The following TMEM94 variants were observed in gnomAD, a reference collection of about 807,000 sequenced individuals.
TMEM94 encodes ER Mg2+ ATPase.
In TMEM94, 81 loss-of-function variants were observed where a neutral mutation model predicts 158.6. That is an observed-to-expected ratio of 0.51 (90% CI 0.43 to 0.61). The LOEUF is 0.61. Ranked by LOEUF, TMEM94 falls within the 20% of genes least tolerant of loss-of-function variation. TMEM94 has a pLI of 0.00. For missense variants in TMEM94, 1,435 were observed against 1,762.0 expected (o/e 0.81, Z 3.32); for synonymous variants, 751 against 730.7 (o/e 1.03, Z -0.45).
chr17:75,490,374 G>A, intron 10 of TMEM94, 24 bp downstream of exon 10: 1 of 1,607,204 alleles, frequency 6.2e-7, no homozygotes, highest in Non-Finnish European at 8.5e-7. Flanking sequence ...AGGTGTCTGG[G>A]GGAAGTCACA....
At position 75,495,714 on chromosome 17, in the gene TMEM94, C is replaced by G; in HGVS notation, c.2944+71C>G. On this transcript the variant is annotated intron_variant, in intron 22 of 31. Transcript: ENST00000314256. This position sits in a 1 kb window ranked among gnomAD's most constrained non-coding sequence, Gnocchi z 5.6. Reference sequence around the variant, plus strand: ...CTGAGCTCTGCCTGGGCCTGCGTACCCCGTGGGCTCTGGAGGGATGTAGGT... The same window carrying G: ...CTGAGCTCTGCCTGGGCCTGCGTACGCCGTGGGCTCTGGAGGGATGTAGGT... The G allele has an allele frequency of 1.4e-6, 2 of 1,431,464 alleles. No individual in the cohort carries two copies. The highest frequency in any genetic ancestry group is 2.0e-6 in the Non-Finnish European group (2 of 1,021,068). The allele number at this position is 1,431,464 out of a possible 1,614,324, so 88.7% of individuals were successfully genotyped here. A position where few individuals can be genotyped will look rare whatever the true frequency, so the allele number is the denominator to read the frequency against.
At position 75,488,841 on chromosome 17, in the gene TMEM94, G is replaced by A. The variant is rs775524355; in HGVS notation, c.695G>A (p.Arg232Lys). 3.1e-6 allele frequency: 5 copies of A among 1,612,480 alleles called. No homozygotes were observed. Among genetic ancestry groups the A allele is most frequent in the Non-Finnish European group, 4.2e-6 (5 of 1,179,024 alleles). The change falls in exon 7 of 32, where the codon AGA becomes AAA. Residue 232 changes from arginine (R) to lysine (K), a missense_variant. This residue lies in a region of TMEM94 where 1,051 missense variants were observed against 1,254.4 expected (regional missense o/e 0.84). Transcript: ENST00000314256. The stretch of plus-strand genomic sequence containing the variant: ...CCCTCACCCCGGGGAGAAGTGGAGA[G>A]AGGGCCACAGAGCCCCCAGCAGCAC... ...PPPSPRGEVE[R>K]GPQSPQQHRL...
At position 75,493,856 on chromosome 17, in the gene TMEM94, G is replaced by A. The variant is rs201235041; in HGVS notation, c.2347G>A (p.Glu783Lys). The stretch of plus-strand genomic sequence containing the variant: ...CCAAAGCAGCATCTTCACCATGTGC[G>A]AGCTGCCCAGCACCATCCCCATCAA... ...PGQSSIFTMC[E>K]LPSTIPIKQN... The change falls in exon 18 of 32, where the codon GAG (glutamate) becomes AAG (lysine). Residue 783 changes from glutamate to lysine, a missense_variant. Physicochemically the swap from Glu to Lys is moderately conservative, Grantham distance 56. This residue lies in a region of TMEM94 where 1,051 missense variants were observed against 1,254.4 expected (regional missense o/e 0.84). Coordinates refer to ENST00000314256, the MANE Select transcript of TMEM94 (RefSeq NM_014738.6). 2.5e-5 allele frequency: 40 copies of A among 1,613,098 alleles called. No homozygotes were observed. The highest frequency in any genetic ancestry group is 3.0e-5 in the Non-Finnish European group (35 of 1,180,018).
rs767136794 is a variant in TMEM94, at chr17:75,496,757, A to C, written c.3271A>C (p.Lys1091Gln). Residue 1091 changes from lysine to glutamine, a missense_variant, in exon 25 of 32, where the codon AAG becomes CAG. Around this residue, in one of 3 missense-constraint regions of TMEM94, gnomAD observed 335 missense variants for 409.1 expected, o/e 0.82. Transcript: ENST00000314256. ...QARHATYGIR[K>Q]CFLFLLQCQL... Reference sequence around the variant, plus strand: ...TCGGCATGCCACCTATGGCATCCGTAAGTGCTTCCTCTTCCTGCTGCAGTG... The same window carrying C: ...TCGGCATGCCACCTATGGCATCCGTCAGTGCTTCCTCTTCCTGCTGCAGTG... 2 of 1,613,770 alleles carry C rather than the reference A, an allele frequency of 1.2e-6. No homozygotes were observed. Among genetic ancestry groups the C allele is most frequent in the Admixed American group, 1.7e-5 (1 of 60,002 alleles).
intron 1 of TMEM94, among the ~76,000 whole-genome samples, chr17:75,471,053 A>G (rs2050482066): frequency 6.6e-6 from 1 of 151,668 alleles, no homozygotes; most frequent in South Asian, 2.1e-4. Context: ...CCTGGCCAAT[A>G]TGGTGAAACC....
intron 2 of TMEM94, among the ~76,000 whole-genome samples, chr17:75,483,445 T>G (rs1567934810): frequency 6.6e-6 from 1 of 151,600 alleles, no homozygotes; most frequent in African/African-American, 2.4e-5. Flanking sequence ...AGGTGGCAAG[T>G]TCAAGTTTTT....
intron 2 of TMEM94, among the ~76,000 whole-genome samples, chr17:75,474,612 A>C (rs776585167): frequency 6.6e-6 from 1 of 152,300 alleles, no homozygotes; most frequent in Non-Finnish European, 1.5e-5. Context: ...ACACCACTGC[A>C]CTCCAGCCTG....
At chr17:75,469,776 C>T (rs1042499664) in intron 1 of TMEM94, among the ~76,000 whole-genome samples, 1 of 151,896 alleles carries the variant, frequency 6.6e-6, no homozygotes, top group Non-Finnish European at 1.5e-5. Context: ...CATAGCAAGA[C>T]CCCATCTCTA....
chr17:75,490,116 C>T, intron 9 of TMEM94, 118 bp from the exon 10 acceptor site: 1 of 1,431,268 alleles, frequency 7.0e-7, no homozygotes, highest in Non-Finnish European at 9.4e-7. Flanking sequence ...CCTTCCTGCC[C>T]CTGAGAGAGC....
Position 75,495,401 on chromosome 17 carries a change from T to A in TMEM94, c.2844+2T>A. On this transcript the variant is annotated splice_donor_variant, in intron 21 of 31. Coordinates refer to ENST00000314256, the MANE Select transcript of TMEM94 (RefSeq NM_014738.6). LOFTEE classifies it high-confidence loss of function. The surrounding 1 kb of genome is among the most constrained non-coding windows in gnomAD (Gnocchi z 5.6). ...AGCTTCCTGGAGGACTCCAACCGGG[T>A]ACGATGGCAGGATCTGTCTCACGTG... 6.2e-7 allele frequency: 1 copy of A among 1,612,372 alleles called. No individual in the cohort carries two copies. Among genetic ancestry groups the A allele is most frequent in the Non-Finnish European group, 8.5e-7 (1 of 1,178,772 alleles).
In TMEM94 at chr17:75,492,195, T is replaced by A. The variant is rs1218769055; in HGVS notation, c.1597-279T>A. The A allele has an allele frequency of 3.1e-6, 4 of 1,297,232 alleles. No individual in the cohort carries two copies. In the African/African-American group the frequency reaches 6.0e-5, roughly 19 times the overall value. The allele number at this position is 1,297,232 out of a possible 1,614,324, so 80.4% of individuals were successfully genotyped here. A position where few individuals can be genotyped will look rare whatever the true frequency, so the allele number is the denominator to read the frequency against. On this transcript the variant is annotated intron_variant, in intron 14 of 31. Transcript: ENST00000314256. This position sits in a 1 kb window ranked among gnomAD's most constrained non-coding sequence, Gnocchi z 4.4. ...AGAGATGTTCCCTGGCCACAGAAGA[T>A]CCCTCAACTGTGTCCTCTTTGGTCT...
intron 18 of TMEM94, 50 bp downstream of exon 18, chr17:75,493,966 T>A (rs1018736161): frequency 1.0e-5 from 16 of 1,559,296 alleles, no homozygotes; most frequent in Non-Finnish European, 1.3e-5. Context: ...TCCCCTGGGC[T>A]GCCGAAGCCC....
At position 75,492,518 on chromosome 17, in the gene TMEM94, T is replaced by A. The variant is rs1465069369; in HGVS notation, c.1641T>A (p.Phe547Leu). 6 of 1,611,844 alleles carry A rather than the reference T, an allele frequency of 3.7e-6. No homozygotes were observed. Among genetic ancestry groups the A allele is most frequent in the Non-Finnish European group, 5.1e-6 (6 of 1,178,680 alleles). Residue 547 changes from phenylalanine to leucine, a missense_variant, in exon 15 of 32, where the codon TTT (phenylalanine) becomes TTA (leucine). Physicochemically the swap from Phe to Leu is conservative, Grantham distance 22 (BLOSUM62 0). Around this residue, in one of 3 missense-constraint regions of TMEM94, gnomAD observed 1,051 missense variants for 1,254.4 expected, o/e 0.84. Coordinates refer to ENST00000314256, the MANE Select transcript of TMEM94 (RefSeq NM_014738.6). This position sits in a 1 kb window ranked among gnomAD's most constrained non-coding sequence, Gnocchi z 4.4. The part of the protein sequence containing the change: ...MESDPYEAED[F>L]VCDYHLEMLS... ...GCGACCCCTACGAAGCAGAGGACTTTGTGTGTGACTACCACCTGGAGATGC... is the reference window on the plus strand; with the variant it reads ...GCGACCCCTACGAAGCAGAGGACTTAGTGTGTGACTACCACCTGGAGATGC...
In TMEM94 at chr17:75,491,803, A is replaced by T. The variant is rs775388118; in HGVS notation, c.1499A>T (p.Tyr500Phe). Residue 500 changes from tyrosine (Y) to phenylalanine (F), a missense_variant, in exon 14 of 32, where the codon TAT becomes TTT. Physicochemically the swap from Tyr to Phe is conservative, Grantham distance 22 (BLOSUM62 3). This residue lies in a region of TMEM94 where 1,051 missense variants were observed against 1,254.4 expected (regional missense o/e 0.84). Coordinates refer to ENST00000314256, the MANE Select transcript of TMEM94 (RefSeq NM_014738.6). The surrounding 1 kb of genome is among the most constrained non-coding windows in gnomAD (Gnocchi z 5.1). ...PGEAPKPPEPYSHHKAHGRSK... is the reference protein window; with the variant it reads ...PGEAPKPPEPFSHHKAHGRSK... ...GAGGCTCCCAAGCCCCCCGAGCCCT[A>T]TTCACACCACAAAGCGCATGGCCGC... 1 of 1,614,050 alleles carries T rather than the reference A, an allele frequency of 6.2e-7. No homozygotes were observed. Among genetic ancestry groups the T allele is most frequent in the East Asian group, 2.2e-5 (1 of 44,888 alleles).
At chr17:75,499,174 C>T (rs1191585333) in intron 31 of TMEM94, 88 bp from the exon 32 acceptor site, 1 of 1,590,776 alleles carries the variant, frequency 6.3e-7, no homozygotes, top group East Asian at 2.2e-5. Context: ...TTTCCGCTGC[C>T]CATCCCTCCC....
Position 75,483,877 on chromosome 17 carries a change from G to T in TMEM94, c.25-1551G>T, listed in dbSNP as rs191075431. On this transcript the variant is annotated intron_variant, in intron 2 of 31. Coordinates refer to ENST00000314256, the MANE Select transcript of TMEM94 (RefSeq NM_014738.6). ...ACTTGAAGTAAAATAGGAGTTGTAG[G>T]CTTGTTGGTGGCAGGTGACTCTGTG... 3.3e-4 allele frequency among the ~76,000 whole-genome samples: 51 copies of T among 152,274 alleles called. No homozygotes were observed. The East Asian group carries it at 6.4e-3, about 19-fold the overall frequency.
At chr17:75,461,830 C>T (rs145249732) in intron 1 of TMEM94, among the ~76,000 whole-genome samples, 2,714 of 149,988 alleles carry the variant, frequency 0.018, 90 homozygotes, top group African/African-American at 0.061. Flanking sequence ...AGGAGAATGG[C>T]GCGAACCCGG....
chr17:75,480,489 G>A (rs1641896318), intron 2 of TMEM94, among the ~76,000 whole-genome samples: 1 of 152,228 alleles, frequency 6.6e-6, no homozygotes, highest in Non-Finnish European at 1.5e-5. Context: ...CAGCTTCAAG[G>A]TTCCTGGGGT....
Position 75,500,213 on chromosome 17 carries a change from C to G in TMEM94, c.*879C>G, listed in dbSNP as rs1471916841. ...CCCTCAGGTCTGGCTCAGGCGAGAC[C>G]CCTAGGGTCAGGGGTCCCCATGTCA... On this transcript the variant is annotated 3_prime_UTR_variant, in exon 32 of 32. Coordinates refer to ENST00000314256, the MANE Select transcript of TMEM94 (RefSeq NM_014738.6). The G allele has an allele frequency of 6.6e-6, 1 of 152,256 alleles. No individual in the cohort carries two copies. Among genetic ancestry groups the G allele is most frequent in the African/African-American group, 2.4e-5 (1 of 41,434 alleles). 9.4% of individuals were successfully genotyped at this position (152,256 alleles called of 1,614,324 possible). A position where few individuals can be genotyped will look rare whatever the true frequency, so the allele number is the denominator to read the frequency against.
Sources: allele counts gnomAD v4.1 joint callset (sites outside exome capture counted in the v4.1 genomes callset), GRCh38; gene constraint gnomAD v4.1.1; regional missense constraint gnomAD v4.1.1; non-coding constraint Gnocchi (gnomAD v3.1); transcripts MANE v1.5; gene names NCBI Gene and HGNC (gene_info 2026-07-23, HGNC 2026-07-21).